Variants in LINGO2 observed in about 807,000 individuals in gnomAD.
The protein encoded by LINGO2 is leucine rich repeat and Ig domain containing 2, also known as leucine-rich repeat and immunoglobulin-like domain-containing nogo receptor-interacting protein 2.
LINGO2 carries 14 observed loss-of-function variants against 30.6 expected under a neutral mutation model. The observed-to-expected ratio is 0.46, with a 90% CI of 0.30 to 0.72. LINGO2 has a LOEUF of 0.72. Among genes scored for constraint, LINGO2 ranks in the 30% least tolerant of loss-of-function variants. LINGO2 has a pLI of 0.07. For missense variants in LINGO2, 729 were observed against 751.7 expected (o/e 0.97, Z 0.35); for synonymous variants, 317 against 288.5 (o/e 1.10, Z -1.00).
At chr9:29,171,315 T>C in the LINGO2 span, among the ~76,000 whole-genome samples, 8 of 152,116 alleles carry the variant, frequency 5.3e-5, no homozygotes, top group Non-Finnish European at 1.2e-4. Context: ...AGATCCTCTC[T>C]GAGAATAAGC....
In LINGO2 at chr9:28,337,049, G is replaced by T. The variant is rs989668839; in HGVS notation, c.-246+35787C>A. 3.4e-5 allele frequency among the ~76,000 whole-genome samples: 5 copies of T among 148,736 alleles called. No individual in the cohort carries two copies. The Admixed American group carries it at 3.4e-4, about 10-fold the overall frequency. On this transcript the variant is annotated intron_variant, in intron 3 of 5. Transcript: ENST00000379992. ...TATTTTAATAATTTTAATTATAAAT[G>T]AACATATATACTTTCATATTATAAA...
At chr9:28,063,025 C>G (rs1225422105) in intron 4 of LINGO2, among the ~76,000 whole-genome samples, 1 of 152,056 alleles carries the variant, frequency 6.6e-6, no homozygotes, top group Admixed American at 6.6e-5. Flanking sequence ...CAAGGTTGTA[C>G]CTGGCTTCAG....
At chr9:28,154,113 A>C (rs761002699) in intron 4 of LINGO2, among the ~76,000 whole-genome samples, 5 of 152,192 alleles carry the variant, frequency 3.3e-5, no homozygotes, top group Non-Finnish European at 7.4e-5. Context: ...CCCATAAAGC[A>C]GGTGCCTCTA....
chr9:28,012,157 T>C (rs11793421), intron 5 of LINGO2, among the ~76,000 whole-genome samples: 18,409 of 152,134 alleles, frequency 0.12, 1,225 homozygotes, highest in South Asian at 0.22. Context: ...TTGCCTTCTC[T>C]GCTTTCTTTT....
chr9:28,044,648 A>G (rs1303067087), intron 4 of LINGO2, among the ~76,000 whole-genome samples: 2 of 152,164 alleles, frequency 1.3e-5, no homozygotes, highest in Non-Finnish European at 2.9e-5. Context: ...TTCTAAGTCA[A>G]GCAAGAAGAG....
intron 4 of LINGO2, among the ~76,000 whole-genome samples, chr9:28,086,282 G>C (rs1189817414): frequency 1.3e-5 from 2 of 152,010 alleles, no homozygotes; most frequent in Non-Finnish European, 2.9e-5. Context: ...AAAATGAAAA[G>C]ATGACGCTGA....
At chr9:29,010,898 T>A in the LINGO2 span, among the ~76,000 whole-genome samples, 3 of 151,698 alleles carry the variant, frequency 2.0e-5, no homozygotes, top group Non-Finnish European at 4.4e-5. Flanking sequence ...GAAAAACAAA[T>A]AAATAAATAA....
At chr9:28,180,009 G>A (rs998157161) in intron 4 of LINGO2, among the ~76,000 whole-genome samples, 19 of 151,998 alleles carry the variant, frequency 1.3e-4, no homozygotes, top group Non-Finnish European at 2.4e-4. Context: ...TGCCTCAAAA[G>A]TCTGTAATGA....
intron 4 of LINGO2, among the ~76,000 whole-genome samples, chr9:28,061,731 G>T (rs1377961288): frequency 2.0e-5 from 3 of 151,924 alleles, no homozygotes; most frequent in African/African-American, 7.3e-5. Context: ...CTTCCTGAAA[G>T]CACAATCAAA....
At chr9:28,102,447 T>C (rs1291200654) in intron 4 of LINGO2, among the ~76,000 whole-genome samples, 2 of 152,138 alleles carry the variant, frequency 1.3e-5, no homozygotes, top group African/African-American at 2.4e-5. Flanking sequence ...AAACTCAAAA[T>C]TGCCTTAAGC....
At chr9:28,104,674 T>G (rs1826528815) in intron 4 of LINGO2, among the ~76,000 whole-genome samples, 1 of 152,148 alleles carries the variant, frequency 6.6e-6, no homozygotes, top group Admixed American at 6.6e-5. Flanking sequence ...TGTTTTTTAC[T>G]AACTCTTTCT....
At chr9:28,565,574 C>T (rs1049381733) in intron 1 of LINGO2, among the ~76,000 whole-genome samples, 10 of 141,864 alleles carry the variant, frequency 7.0e-5, no homozygotes, top group Non-Finnish European at 4.6e-5. Context: ...TTTTTTGAGA[C>T]GGAGTCTCGC....
In LINGO2 at chr9:28,374,523, C is replaced by T. The variant is rs543623873; in HGVS notation, c.-278-1655G>A. 6.6e-5 allele frequency among the ~76,000 whole-genome samples: 10 copies of T among 152,104 alleles called. 1 individual carries two copies. The highest frequency in any genetic ancestry group is 2.4e-4 in the African/African-American group (10 of 41,472). ...CTGAAACAGCTTATTAGGTGGGTCCCTAGATAAAATGGGAAGCAGACCTCC... is the reference window on the plus strand; with the variant it reads ...CTGAAACAGCTTATTAGGTGGGTCCTTAGATAAAATGGGAAGCAGACCTCC... On this transcript the variant is annotated intron_variant, in intron 2 of 5. Coordinates refer to ENST00000379992, the Ensembl canonical transcript of LINGO2.
the LINGO2 span, among the ~76,000 whole-genome samples, chr9:28,780,830 ATGTGTGTGTGTGTGTG>A: frequency 5.7e-4 from 73 of 127,456 alleles, no homozygotes; most frequent in South Asian, 1.3e-3. Context: ...CTTGGTAGTA[ATGTGTGTGTGTGTGTG>A]TGTGTGTGTG....
chr9:28,993,238 C>G, the LINGO2 span, among the ~76,000 whole-genome samples: 5 of 151,952 alleles, frequency 3.3e-5, no homozygotes, highest in Admixed American at 1.3e-4. Flanking sequence ...CTACAAACAC[C>G]TCTATGCAAA....
chr9:28,695,560 G>A, the LINGO2 span, among the ~76,000 whole-genome samples: 9 of 151,736 alleles, frequency 5.9e-5, no homozygotes, highest in Non-Finnish European at 1.0e-4. Flanking sequence ...ATGAAGTGAT[G>A]GAAAGATACA....
the LINGO2 span, among the ~76,000 whole-genome samples, chr9:29,190,396 G>T: frequency 6.6e-6 from 1 of 152,038 alleles, no homozygotes. Context: ...ACTTCTACTT[G>T]ATATCCTGGC....
At chr9:28,103,323 T>G (rs1826472240) in intron 4 of LINGO2, among the ~76,000 whole-genome samples, 1 of 152,180 alleles carries the variant, frequency 6.6e-6, no homozygotes, top group African/African-American at 2.4e-5. Context: ...GCTCTTTTCA[T>G]TTAAGAGGTG....
chr9:28,515,473 C>T (rs60872889), intron 1 of LINGO2, among the ~76,000 whole-genome samples: 17,640 of 152,066 alleles, frequency 0.12, 1,753 homozygotes, highest in African/African-American at 0.26. Context: ...CCCAAAGTGC[C>T]GGGATTACAG....
Sources: gnomAD v4.1 joint callset for allele counts (sites outside exome capture counted in the v4.1 genomes callset) on GRCh38, gnomAD v4.1.1 for gene constraint, MANE v1.5 for transcripts, NCBI Gene and HGNC (gene_info 2026-07-23, HGNC 2026-07-21) for gene names.